Variants in LAMC3 observed in about 807,000 individuals in gnomAD.
LAMC3 encodes laminin subunit gamma 3.
LAMC3 carries 128 observed loss-of-function variants against 173.8 expected under a neutral mutation model. That is an observed-to-expected ratio of 0.74 (90% CI 0.64 to 0.85). LAMC3 has a LOEUF of 0.85. LAMC3 is among the 40% of genes least tolerant of loss of function. The pLI is 0.00. For missense variants in LAMC3, 2,022 were observed against 2,156.0 expected (o/e 0.94, Z 1.23); for synonymous variants, 897 against 909.1 (o/e 0.99, Z 0.24).
chr9:131,041,748 A>G lies in LAMC3; in HGVS notation c.1382+13A>G. On this transcript the variant is annotated intron_variant, in intron 7 of 27. Coordinates refer to ENST00000361069, the MANE Select transcript of LAMC3 (RefSeq NM_006059.4). ...ACCTATGTGACAGGTTTGTGAGCTA[A>G]TCCAGCAGTAAGCTTGCTGGAAGTG... The G allele has an allele frequency of 6.2e-7, 1 of 1,609,954 alleles. No individual in the cohort carries two copies. Among genetic ancestry groups the G allele is most frequent in the Non-Finnish European group, 8.5e-7 (1 of 1,178,178 alleles).
rs1479002889 is a variant in LAMC3, at chr9:131,068,999, T to C, written c.2839T>C (p.Cys947Arg). 1 of 1,613,946 alleles carries C rather than the reference T, an allele frequency of 6.2e-7. No individual in the cohort carries two copies. Among genetic ancestry groups the C allele is most frequent in the South Asian group, 1.1e-5 (1 of 91,072 alleles). ...CCGCCCAGGTGTCACAGGCCAGGCC[T>C]GTGACAGGTGCCAGCTGGGTTTCTT... ...TCRPGVTGQA[C>R]DRCQLGFFGF... Residue 947 changes from cysteine to arginine, a missense_variant, in exon 16 of 28, where the codon TGT (cysteine) becomes CGT (arginine). Cys to Arg is a radical substitution (Grantham distance 180). Transcript: ENST00000361069.
At chr9:131,083,722 G>T (rs1830281235) in intron 24 of LAMC3, among the ~76,000 whole-genome samples, 1 of 152,130 alleles carries the variant, frequency 6.6e-6, no homozygotes, top group Non-Finnish European at 1.5e-5. Flanking sequence ...CACAATACAT[G>T]CTGAGAAACA....
chr9:131,061,321 G>T, intron 13 of LAMC3, 98 bp downstream of exon 13: 2 of 1,049,128 alleles, frequency 1.9e-6, no homozygotes, highest in South Asian at 1.5e-5. Context: ...TGGGTTTAGG[G>T]TGTGGCAGGT....
intron 22 of LAMC3, among the ~76,000 whole-genome samples, chr9:131,077,666 G>T (rs566268082): frequency 1.1e-5 from 1 of 90,624 alleles, no homozygotes; most frequent in African/African-American, 4.5e-5. Flanking sequence ...GACAGAGCAA[G>T]ACTCCATCTC....
At chr9:131,040,552 T>C (rs189708391) in intron 6 of LAMC3, among the ~76,000 whole-genome samples, 12 of 152,250 alleles carry the variant, frequency 7.9e-5, no homozygotes, top group African/African-American at 2.6e-4. Context: ...CAGAAACACA[T>C]TGGGGATATC....
At chr9:131,083,536 G>A (rs1293939049) in intron 24 of LAMC3, among the ~76,000 whole-genome samples, 1 of 152,168 alleles carries the variant, frequency 6.6e-6, no homozygotes, top group African/African-American at 2.4e-5. Context: ...GAGGGTTTGT[G>A]TTCAAATAAG....
intron 1 of LAMC3, among the ~76,000 whole-genome samples, chr9:131,025,666 G>A (rs1379644067): frequency 6.6e-6 from 1 of 152,154 alleles, no homozygotes; most frequent in Non-Finnish European, 1.5e-5. Context: ...GGGGCTGTGG[G>A]TGAGGTAACT....
intron 9 of LAMC3, among the ~76,000 whole-genome samples, chr9:131,050,777 GAAAA>G (rs35256167): frequency 1.3e-5 from 2 of 148,230 alleles, no homozygotes; most frequent in South Asian, 4.2e-4. Flanking sequence ...CCAAAAAAAG[GAAAA>G]AAAAAAAAAG....
intron 7 of LAMC3, among the ~76,000 whole-genome samples, chr9:131,042,604 C>A (rs995010275): frequency 6.6e-6 from 1 of 152,048 alleles, no homozygotes; most frequent in East Asian, 1.9e-4. Context: ...ACAGCCTCCC[C>A]CTTTCATACC....
chr9:131,019,977 C>T (rs1222275805), intron 1 of LAMC3, among the ~76,000 whole-genome samples: 1 of 152,128 alleles, frequency 6.6e-6, no homozygotes, highest in East Asian at 1.9e-4. Flanking sequence ...TCAAGAATGA[C>T]ACCGGGACAG....
intron 7 of LAMC3, among the ~76,000 whole-genome samples, chr9:131,042,152 G>C (rs529145356): frequency 6.6e-6 from 1 of 152,158 alleles, no homozygotes; most frequent in East Asian, 1.9e-4. Flanking sequence ...AGCTAATGGA[G>C]CACTATCACA....
intron 16 of LAMC3, 40 bp from the exon 17 acceptor site, chr9:131,069,632 C>T: frequency 6.3e-7 from 1 of 1,575,006 alleles, no homozygotes; most frequent in Middle Eastern, 2.3e-4. Flanking sequence ...CTGCCCCTGG[C>T]CCCTCTAAAC....
Position 131,009,202 on chromosome 9 carries a change from G to T in LAMC3, c.-13G>T, listed in dbSNP as rs1833355060. The stretch of plus-strand genomic sequence containing the variant: ...CGGGGCCGGCAGAGCGCGCGGCGTC[G>T]GTGCCCTTGACCATGGCGGCGGCTG... On this transcript the variant is annotated 5_prime_UTR_variant, in exon 1 of 28. Transcript: ENST00000361069. The surrounding 1 kb of genome is among the most constrained non-coding windows in gnomAD (Gnocchi z 4.3). The T allele has an allele frequency of 2.5e-6, 3 of 1,199,862 alleles. No homozygotes were observed. The highest frequency in any genetic ancestry group is 8.0e-5 in the South Asian group (2 of 25,138). The allele number at this position is 1,199,862 out of a possible 1,614,324, so 74.3% of individuals were successfully genotyped here. A position where few individuals can be genotyped will look rare whatever the true frequency, so the allele number is the denominator to read the frequency against.
intron 1 of LAMC3, among the ~76,000 whole-genome samples, chr9:131,012,953 A>T: frequency 6.6e-6 from 1 of 152,222 alleles, no homozygotes; most frequent in East Asian, 1.9e-4. Context: ...GATGAAAGGC[A>T]GCAGTGGGCT....
chr9:131,089,345 G>T (rs924075863), intron 27 of LAMC3, among the ~76,000 whole-genome samples: 4 of 151,896 alleles, frequency 2.6e-5, no homozygotes, highest in African/African-American at 7.3e-5. Flanking sequence ...CTACTCTGGG[G>T]ACCTCATATA....
intron 16 of LAMC3, 149 bp downstream of exon 16, chr9:131,069,199 G>C: frequency 2.2e-6 from 2 of 917,310 alleles, no homozygotes; most frequent in Non-Finnish European, 3.4e-6. Context: ...CATGGAGCGA[G>C]TTGCTCCCGT....
chr9:131,084,144 A>C (rs146344490), intron 24 of LAMC3, among the ~76,000 whole-genome samples: 1 of 150,752 alleles, frequency 6.6e-6, no homozygotes, highest in Non-Finnish European at 1.5e-5. Flanking sequence ...CCGCCTCCCA[A>C]AGTGTTAGGA....
intron 6 of LAMC3, among the ~76,000 whole-genome samples, chr9:131,040,815 G>A (rs1467302738): frequency 6.6e-6 from 1 of 152,176 alleles, no homozygotes; most frequent in African/African-American, 2.4e-5. Context: ...CCCAGGCTGA[G>A]TCAGAGGCCC....
At position 131,041,619 on chromosome 9, in the gene LAMC3, G is replaced by T; in HGVS notation, c.1284-18G>T. ...TTTGCTCATTGCACATTTTCCTCTT[G>T]TCCTGTCTCATTGGCAGACCCTGCA... On this transcript the variant is annotated intron_variant, in intron 6 of 27. Coordinates refer to ENST00000361069, the MANE Select transcript of LAMC3 (RefSeq NM_006059.4). 6.2e-7 allele frequency: 1 copy of T among 1,611,712 alleles called. No homozygotes were observed. Among genetic ancestry groups the T allele is most frequent in the African/African-American group, 1.3e-5 (1 of 75,012 alleles).
Sources: allele counts gnomAD v4.1 joint callset (sites outside exome capture counted in the v4.1 genomes callset), GRCh38; gene constraint gnomAD v4.1.1; non-coding constraint Gnocchi (gnomAD v3.1); transcripts MANE v1.5; gene names NCBI Gene and HGNC (gene_info 2026-07-23, HGNC 2026-07-21).